Variants in TRIB1 observed in about 807,000 individuals in gnomAD.
TRIB1 encodes the protein tribbles homolog 1.
A neutral mutation model predicts 27.8 loss-of-function variants in TRIB1; 12 were observed. The observed-to-expected ratio is 0.43, with a 90% CI of 0.28 to 0.70. The LOEUF (loss-of-function observed/expected upper bound fraction) is 0.70, where lower values mean the gene tolerates loss of function less well. Among genes scored for constraint, TRIB1 ranks in the 30% least tolerant of loss-of-function variants. The pLI is 0.18. For synonymous variants in TRIB1, 230 were observed against 224.9 expected (o/e 1.02, Z -0.20); for missense variants, 475 against 515.8 (o/e 0.92, Z 0.77).
At chr8:125,434,131 C>A (rs542771614) in intron 2 of TRIB1, among the ~76,000 whole-genome samples, 2 of 152,254 alleles carry the variant, frequency 1.3e-5, no homozygotes, top group African/African-American at 4.8e-5. Flanking sequence ...TTTTAGACAG[C>A]TTGTTTGGAT....
rs796357951 is a variant in TRIB1 at position 125,437,983 on chromosome 8, C to T, written c.*1512C>T. 2.0e-5 allele frequency: 3 copies of T among 152,868 alleles called. No homozygotes were observed. Among genetic ancestry groups the T allele is most frequent in the African/African-American group, 7.2e-5 (3 of 41,556 alleles). The allele number at this position is 152,868 out of a possible 1,614,324, so 9.5% of individuals were successfully genotyped here. The stretch of plus-strand genomic sequence containing the variant: ...CTACTAACATGCATTGTGAGAATGC[C>T]GTGTATACCTCACGTACTGTGTACT... On this transcript the variant is annotated 3_prime_UTR_variant, in exon 3 of 3. Coordinates refer to ENST00000311922, the MANE Select transcript of TRIB1 (RefSeq NM_025195.4).
Position 125,433,832 on chromosome 8 carries a change from C to T in TRIB1, c.653+223C>T, listed in dbSNP as rs1393232115. 2 of 539,570 alleles carry T rather than the reference C, an allele frequency of 3.7e-6. No individual in the cohort carries two copies. Among genetic ancestry groups the T allele is most frequent in the East Asian group, 6.0e-5 (2 of 33,486 alleles). 33.4% of individuals were successfully genotyped at this position (539,570 alleles called of 1,614,324 possible). A position where few individuals can be genotyped will look rare whatever the true frequency, so the allele number is the denominator to read the frequency against. Reference sequence around the variant, plus strand: ...ACACCGTGGCGCTTCTATGGGATGGCAAGTGTTGACAGGGTGCTCTTCCTC... The same window carrying T: ...ACACCGTGGCGCTTCTATGGGATGGTAAGTGTTGACAGGGTGCTCTTCCTC... On this transcript the variant is annotated intron_variant, in intron 2 of 2. Coordinates refer to ENST00000311922, the MANE Select transcript of TRIB1 (RefSeq NM_025195.4). The surrounding 1 kb of genome is among the most constrained non-coding windows in gnomAD (Gnocchi z 4.4).
Position 125,433,704 on chromosome 8 carries a change from G to C in TRIB1, c.653+95G>C, listed in dbSNP as rs987692988. On this transcript the variant is annotated intron_variant, in intron 2 of 2. Transcript: ENST00000311922. This position sits in a 1 kb window ranked among gnomAD's most constrained non-coding sequence, Gnocchi z 4.4. ...GTGCTGTGTGTTGGTGCAAAACAAAGTCAAGGGCTCATATGTCCCAGATTT... is the reference window on the plus strand; with the variant it reads ...GTGCTGTGTGTTGGTGCAAAACAAACTCAAGGGCTCATATGTCCCAGATTT... 7.1e-7 allele frequency: 1 copy of C among 1,409,774 alleles called. No homozygotes were observed. The highest frequency in any genetic ancestry group is 9.6e-7 in the Non-Finnish European group (1 of 1,041,474). The allele number at this position is 1,409,774 out of a possible 1,614,324, so 87.3% of individuals were successfully genotyped here. A position where few individuals can be genotyped will look rare whatever the true frequency, so the allele number is the denominator to read the frequency against.
intron 1 of TRIB1, chr8:125,432,175 AC>A: frequency 1.1e-6 from 1 of 908,070 alleles, no homozygotes; most frequent in Non-Finnish European, 1.3e-6. Context: ...CACTCCCAAC[AC>A]CCCGACCCCG....
Position 125,430,861 on chromosome 8 carries a change from C to G in TRIB1, c.-42C>G. ...ACCCGCAGCGTCTTCCCGCGCGGATCCCGGGACTTAAAAAGCCGGGGCCAC... is the reference window on the plus strand; with the variant it reads ...ACCCGCAGCGTCTTCCCGCGCGGATGCCGGGACTTAAAAAGCCGGGGCCAC... On this transcript the variant is annotated 5_prime_UTR_variant, in exon 1 of 3. The change creates a new upstream start codon in the 5' untranslated region. Transcript: ENST00000311922. 7.3e-7 allele frequency: 1 copy of G among 1,375,138 alleles called. No individual in the cohort carries two copies. Among genetic ancestry groups the G allele is most frequent in the South Asian group, 1.6e-5 (1 of 60,650 alleles). The allele number at this position is 1,375,138 out of a possible 1,614,324, so 85.2% of individuals were successfully genotyped here.
At chr8:125,434,694 C>T (rs1814719339) in intron 2 of TRIB1, among the ~76,000 whole-genome samples, 1 of 152,162 alleles carries the variant, frequency 6.6e-6, no homozygotes, top group African/African-American at 2.4e-5. Flanking sequence ...ATATCATGGG[C>T]ATGGGGTTTG....
chr8:125,435,111 G>C lies in TRIB1; in HGVS notation c.654-895G>C, dbSNP rs141812117. On this transcript the variant is annotated intron_variant, in intron 2 of 2. Transcript: ENST00000311922. ...GCTTTGAGCTTTGGGGGATCCAGGA[G>C]ACTTGGGTGGCTGGTTCTGAATAAG... Among the ~76,000 whole-genome samples the C allele has an allele frequency of 1.7e-3, 255 of 152,214 alleles. 1 individual carries two copies. Among genetic ancestry groups the C allele is most frequent in the African/African-American group, 4.5e-3 (185 of 41,510 alleles).
chr8:125,432,205 C>T, intron 1 of TRIB1: 1 of 980,690 alleles, frequency 1.0e-6, no homozygotes, highest in Non-Finnish European at 1.2e-6. Context: ...CTCGCTGCTG[C>T]CACCTACTGC....
At chr8:125,435,982 T>C (rs948212611) in intron 2 of TRIB1, 24 bp from the exon 3 acceptor site, 6 of 1,585,526 alleles carry the variant, frequency 3.8e-6, no homozygotes, top group South Asian at 2.3e-5. Context: ...GTGGAAATAA[T>C]GGCTTGGTTC....
Position 125,433,146 on chromosome 8 carries a change from A to G in TRIB1, c.361-171A>G, listed in dbSNP as rs73342898. 2,905 of 676,548 alleles carry G rather than the reference A, an allele frequency of 4.3e-3. 62 individuals are homozygous for G. The African/African-American group carries it at 0.069, about 16-fold the overall frequency. The allele number at this position is 676,548 out of a possible 1,614,324, so 41.9% of individuals were successfully genotyped here. On this transcript the variant is annotated intron_variant, in intron 1 of 2. Transcript: ENST00000311922. The surrounding 1 kb of genome is among the most constrained non-coding windows in gnomAD (Gnocchi z 4.4). Reference sequence around the variant, plus strand: ...AGGTGTTACTGGTTTTAAAGGTGTCAGGGGCAGCTGGGGCTGCGTAAGGTA... The same window carrying G: ...AGGTGTTACTGGTTTTAAAGGTGTCGGGGGCAGCTGGGGCTGCGTAAGGTA...
chr8:125,432,533 G>A (rs1402163932), intron 1 of TRIB1, among the ~76,000 whole-genome samples: 1 of 152,126 alleles, frequency 6.6e-6, no homozygotes, highest in African/African-American at 2.4e-5. Context: ...TCTAGGATAT[G>A]AGTAACTGGA....
At position 125,433,707 on chromosome 8, in the gene TRIB1, A is replaced by G; in HGVS notation, c.653+98A>G. The G allele has an allele frequency of 7.2e-7, 1 of 1,393,486 alleles. No homozygotes were observed. Among genetic ancestry groups the G allele is most frequent in the African/African-American group, 1.4e-5 (1 of 69,638 alleles). 86.3% of individuals were successfully genotyped at this position (1,393,486 alleles called of 1,614,324 possible). On this transcript the variant is annotated intron_variant, in intron 2 of 2. Coordinates refer to ENST00000311922, the MANE Select transcript of TRIB1 (RefSeq NM_025195.4). The surrounding 1 kb of genome is among the most constrained non-coding windows in gnomAD (Gnocchi z 4.4). ...CTGTGTGTTGGTGCAAAACAAAGTC[A>G]AGGGCTCATATGTCCCAGATTTAGT...
Position 125,436,164 on chromosome 8 carries a change from G to C in TRIB1, c.812G>C (p.Gly271Ala). 6.2e-7 allele frequency: 1 copy of C among 1,613,942 alleles called. No individual in the cohort carries two copies. The highest frequency in any genetic ancestry group is 8.5e-7 in the Non-Finnish European group (1 of 1,179,990). ...AAGGCTGCGGACGTTTGGAGCCTGGGGGTGATGCTCTACACCCTTCTGGTT... is the reference window on the plus strand; with the variant it reads ...AAGGCTGCGGACGTTTGGAGCCTGGCGGTGATGCTCTACACCCTTCTGGTT... ...SGKAADVWSL[G>A]VMLYTLLVGR... Residue 271 changes from glycine (G) to alanine (A), a missense_variant, in exon 3 of 3, where the codon GGG (glycine) becomes GCG (alanine). By Grantham distance (60) the Gly-to-Ala change is moderately conservative (BLOSUM62 0). Coordinates refer to ENST00000311922, the MANE Select transcript of TRIB1 (RefSeq NM_025195.4).
rs72647326 is a variant in TRIB1, at chr8:125,430,393, C to G, written c.-510C>G. The stretch of plus-strand genomic sequence containing the variant: ...ACAGTCACTCTCTCTGAGCGCGTCT[C>G]GCTCGCTCTCATACACGCCCGGAGC... On this transcript the variant is annotated 5_prime_UTR_variant, in exon 1 of 3. Transcript: ENST00000311922. 7,244 of 153,770 alleles carry G rather than the reference C, an allele frequency of 0.047. 264 individuals are homozygous for G. The highest frequency in any genetic ancestry group is 0.11 in the Admixed American group (1,702 of 15,308). 9.5% of individuals were successfully genotyped at this position (153,770 alleles called of 1,614,324 possible).
At position 125,433,266 on chromosome 8, in the gene TRIB1, G is replaced by A. The variant is rs371358743; in HGVS notation, c.361-51G>A. On this transcript the variant is annotated intron_variant, in intron 1 of 2. Transcript: ENST00000311922. This position sits in a 1 kb window ranked among gnomAD's most constrained non-coding sequence, Gnocchi z 4.4. Reference sequence around the variant, plus strand: ...GTTCAGCTCCCTCAGGGGTTTGGGAGGCTGCCTTTGCTTTTCTAGCCCCCT... The same window carrying A: ...GTTCAGCTCCCTCAGGGGTTTGGGAAGCTGCCTTTGCTTTTCTAGCCCCCT... 3.2e-6 allele frequency: 5 copies of A among 1,574,256 alleles called. No individual in the cohort carries two copies. The highest frequency in any genetic ancestry group is 4.3e-6 in the Non-Finnish European group (5 of 1,153,086).
At chr8:125,434,524 A>G (rs1346425248) in intron 2 of TRIB1, among the ~76,000 whole-genome samples, 1 of 152,242 alleles carries the variant, frequency 6.6e-6, no homozygotes, top group Non-Finnish European at 1.5e-5. Context: ...TGACCTCGCA[A>G]TAATTATTGG....
Position 125,430,689 on chromosome 8 carries a change from G to A in TRIB1, c.-214G>A, listed in dbSNP as rs1334739589. ...GGTCCGGGGACTCGAGCCGGCCTCCGCCTCCCGGACGCACAGCCAGCGTGG... is the reference window on the plus strand; with the variant it reads ...GGTCCGGGGACTCGAGCCGGCCTCCACCTCCCGGACGCACAGCCAGCGTGG... On this transcript the variant is annotated 5_prime_UTR_variant, in exon 1 of 3. Coordinates refer to ENST00000311922, the MANE Select transcript of TRIB1 (RefSeq NM_025195.4). 5.5e-6 allele frequency: 3 copies of A among 548,608 alleles called. No homozygotes were observed. Among genetic ancestry groups the A allele is most frequent in the Non-Finnish European group, 8.4e-6 (3 of 356,970 alleles). The allele number at this position is 548,608 out of a possible 1,614,324, so 34.0% of individuals were successfully genotyped here.
Position 125,436,172 on chromosome 8 carries a change from C to T in TRIB1, c.820C>T (p.Leu274Phe), listed in dbSNP as rs746850790. The T allele has an allele frequency of 1.2e-6, 2 of 1,613,796 alleles. No homozygotes were observed. Among genetic ancestry groups the T allele is most frequent in the African/African-American group, 2.7e-5 (2 of 74,800 alleles). ...AADVWSLGVM[L>F]YTLLVGRYPF... ...GGACGTTTGGAGCCTGGGGGTGATG[C>T]TCTACACCCTTCTGGTTGGACGATA... The change falls in exon 3 of 3, where the codon CTC (leucine) becomes TTC (phenylalanine). Residue 274 changes from leucine (L) to phenylalanine (F), a missense_variant. Physicochemically the swap from Leu to Phe is conservative, Grantham distance 22. Transcript: ENST00000311922.
In TRIB1 at chr8:125,431,109, G is replaced by C; in HGVS notation, c.207G>C (p.Pro69=). ...GCCCCCCCGGCTCGCCCTGCAGCCC[G>C]CAGCCCCCGCCTGCCGCTCCGGGGG... ...YLSPPGSPCS[P]QPPPAAPGAG... is the part of the protein sequence containing the mutation. Residue 69 remains proline (P), a synonymous_variant, in exon 1 of 3, where the codon CCG becomes CCC. Coordinates refer to ENST00000311922, the MANE Select transcript of TRIB1 (RefSeq NM_025195.4). The C allele has an allele frequency of 1.5e-6, 2 of 1,332,354 alleles. No individual in the cohort carries two copies. The highest frequency in any genetic ancestry group is 1.9e-6 in the Non-Finnish European group (2 of 1,049,190). 82.5% of individuals were successfully genotyped at this position (1,332,354 alleles called of 1,614,324 possible).
Sources: allele counts gnomAD v4.1 joint callset (sites outside exome capture counted in the v4.1 genomes callset), GRCh38; gene constraint gnomAD v4.1.1; non-coding constraint Gnocchi (gnomAD v3.1); transcripts MANE v1.5; gene names NCBI Gene and HGNC (gene_info 2026-07-23, HGNC 2026-07-21).